Variants in CHRM3 observed in about 807,000 individuals in gnomAD.
The protein encoded by CHRM3 is cholinergic receptor muscarinic 3, also known as muscarinic acetylcholine receptor M3.
Under a neutral mutation model 41.8 loss-of-function variants are expected in CHRM3, and 11 were observed. The observed-to-expected ratio is 0.26, with a 90% CI of 0.17 to 0.44. The LOEUF (loss-of-function observed/expected upper bound fraction) is 0.44, where lower values mean the gene tolerates loss of function less well. Among genes scored for constraint, CHRM3 ranks in the 20% least tolerant of loss-of-function variants. CHRM3 has a pLI of 1.00. For synonymous variants in CHRM3, 297 were observed against 301.4 expected, an observed-to-expected ratio of 0.99 and a Z score of 0.15; for missense variants, 571 against 745.4, an observed-to-expected ratio of 0.77 and a Z score of 2.72.
At chr1:239,536,538 C>A (rs893748797) in intron 2 of CHRM3, among the ~76,000 whole-genome samples, 16 of 152,130 alleles carry the variant, frequency 1.1e-4, no homozygotes, top group Non-Finnish European at 8.8e-5. Flanking sequence ...ACGTGCATAA[C>A]CAAGATATTA....
At chr1:239,867,815 C>T (rs1428371688) in intron 6 of CHRM3, among the ~76,000 whole-genome samples, 5 of 152,274 alleles carry the variant, frequency 3.3e-5, no homozygotes, top group South Asian at 2.1e-4. Context: ...GACAACACAG[C>T]GCCTCCTAGT....
intron 6 of CHRM3, among the ~76,000 whole-genome samples, chr1:239,852,522 AT>A (rs1338219831): frequency 6.6e-6 from 1 of 152,184 alleles, no homozygotes; most frequent in African/African-American, 2.4e-5. Flanking sequence ...GGGGATTTTC[AT>A]TTGTAACAAA....
chr1:239,427,181 TAGTC>T (rs925494516), intron 1 of CHRM3, among the ~76,000 whole-genome samples: 6 of 152,124 alleles, frequency 3.9e-5, no homozygotes, highest in African/African-American at 1.4e-4. Flanking sequence ...GAGGGAGTGT[TAGTC>T]AGGATCCCAG....
At chr1:239,681,190 T>A (rs7553342) in intron 5 of CHRM3, among the ~76,000 whole-genome samples, 9,363 of 152,140 alleles carry the variant, frequency 0.062, 741 homozygotes, top group African/African-American at 0.18. Context: ...TCAAATTGGG[T>A]TTTGGGTGGG....
At chr1:239,828,057 C>T (rs1251978499) in intron 6 of CHRM3, among the ~76,000 whole-genome samples, 1 of 152,100 alleles carries the variant, frequency 6.6e-6, no homozygotes, top group African/African-American at 2.4e-5. Context: ...GTTCTAGATA[C>T]AAGGGAGGCA....
At chr1:239,879,464 A>C (rs1003838971) in intron 6 of CHRM3, among the ~76,000 whole-genome samples, 1 of 152,210 alleles carries the variant, frequency 6.6e-6, no homozygotes, top group Non-Finnish European at 1.5e-5. Flanking sequence ...TCAGAAGCCA[A>C]CTTTGCCTTG....
Position 239,473,585 on chromosome 1 carries a change from G to T in CHRM3, c.-520-19124G>T, listed in dbSNP as rs1461545846. 2.0e-5 allele frequency among the ~76,000 whole-genome samples: 3 copies of T among 152,052 alleles called. No homozygotes were observed. The East Asian group carries it at 5.8e-4, about 29-fold the overall frequency. On this transcript the variant is annotated intron_variant, in intron 1 of 6. Transcript: ENST00000676153. ...TACTCCTTGATATTGATATTTTAAT[G>T]GCAACATTATAATAATTTTATAATA...
intron 4 of CHRM3, among the ~76,000 whole-genome samples, chr1:239,667,906 C>G (rs1469620890): frequency 6.6e-6 from 1 of 152,020 alleles, no homozygotes; most frequent in Non-Finnish European, 1.5e-5. Context: ...TAGTACAAAC[C>G]CATTTTTCTC....
chr1:239,675,010 T>G (rs1177054618), intron 4 of CHRM3, among the ~76,000 whole-genome samples: 1 of 152,142 alleles, frequency 6.6e-6, no homozygotes, highest in Admixed American at 6.5e-5. Context: ...GCATGGATTA[T>G]CCATTCGAGT....
At chr1:239,603,484 C>T (rs113826322) in intron 3 of CHRM3, among the ~76,000 whole-genome samples, 4,853 of 152,150 alleles carry the variant, frequency 0.032, 122 homozygotes, top group Admixed American at 0.06. Flanking sequence ...CTTGTTCTCA[C>T]CTGGGGATGG....
chr1:239,405,151 T>C (rs547654758), intron 1 of CHRM3, among the ~76,000 whole-genome samples: 2 of 152,284 alleles, frequency 1.3e-5, no homozygotes, highest in Admixed American at 6.5e-5. Flanking sequence ...TACTTTTTCA[T>C]GAATTTAATG....
At chr1:239,613,691 T>C (rs1010191440) in intron 3 of CHRM3, among the ~76,000 whole-genome samples, 2 of 152,176 alleles carry the variant, frequency 1.3e-5, no homozygotes, top group African/African-American at 2.4e-5. Context: ...TCTTTGTCTC[T>C]CCCCCGGCAG....
chr1:239,533,087 T>A (rs1288406707), intron 2 of CHRM3, among the ~76,000 whole-genome samples: 1 of 152,170 alleles, frequency 6.6e-6, no homozygotes, highest in Non-Finnish European at 1.5e-5. Flanking sequence ...TTTTTGTCTT[T>A]TTTTTTAGAA....
chr1:239,491,110 C>A (rs932673570), intron 1 of CHRM3, among the ~76,000 whole-genome samples: 1 of 152,266 alleles, frequency 6.6e-6, no homozygotes, highest in East Asian at 1.9e-4. Flanking sequence ...TATTTCCATA[C>A]ATTTATACAA....
At chr1:239,615,185 C>G (rs188167673) in intron 3 of CHRM3, among the ~76,000 whole-genome samples, 1 of 152,316 alleles carries the variant, frequency 6.6e-6, no homozygotes, top group Non-Finnish European at 1.5e-5. Flanking sequence ...TGGACACTTT[C>G]TATGTCCCAG....
chr1:239,475,371 A>G (rs146256513), intron 1 of CHRM3, among the ~76,000 whole-genome samples: 146 of 152,282 alleles, frequency 9.6e-4, no homozygotes, highest in African/African-American at 3.2e-3. Flanking sequence ...CATTTTACCT[A>G]TAGGATTGTC....
At chr1:239,750,283 A>G (rs1316146554) in intron 5 of CHRM3, among the ~76,000 whole-genome samples, 1 of 152,240 alleles carries the variant, frequency 6.6e-6, no homozygotes, top group African/African-American at 2.4e-5. Flanking sequence ...CACTTGGAAG[A>G]AAGTACATGA....
Position 239,552,507 on chromosome 1 carries a change from T to TATATATATATATA in CHRM3, c.-313+6758_-313+6759insATATATATATATA, listed in dbSNP as rs1553325442. ...TCATACTTTACATAAAATATATATT[T>TATATATATATATA]TATATATATATATATAAACGATAAG... On this transcript the variant is annotated intron_variant, in intron 3 of 6. Coordinates refer to ENST00000676153, the MANE Select transcript of CHRM3 (RefSeq NM_001375978.1). Among the ~76,000 whole-genome samples, 1,136 of 145,828 alleles carry TATATATATATATA rather than the reference T, an allele frequency of 7.8e-3. 15 individuals carry two copies. Among genetic ancestry groups the TATATATATATATA allele is most frequent in the African/African-American group, 0.027 (1,097 of 39,980 alleles).
chr1:239,536,701 A>G (rs1289537776), intron 2 of CHRM3, among the ~76,000 whole-genome samples: 2 of 152,152 alleles, frequency 1.3e-5, no homozygotes, highest in Non-Finnish European at 2.9e-5. Context: ...CCTGGTCGTA[A>G]TGTTTTCTAT....
Sources: allele counts gnomAD v4.1 joint callset (sites outside exome capture counted in the v4.1 genomes callset), GRCh38; gene constraint gnomAD v4.1.1; transcripts MANE v1.5; gene names NCBI Gene and HGNC (gene_info 2026-07-23, HGNC 2026-07-21).